The following CNTNAP3B variants were observed in gnomAD, a reference collection of about 807,000 sequenced individuals.
CNTNAP3B encodes contactin-associated protein-like 3B.
Under a neutral mutation model 108.9 loss-of-function variants are expected in CNTNAP3B, and 25 were observed. That is an observed-to-expected ratio of 0.23 (90% CI 0.17 to 0.32). The LOEUF (loss-of-function observed/expected upper bound fraction) is 0.32, where lower values mean the gene tolerates loss of function less well. Among genes scored for constraint, CNTNAP3B ranks in the 10% least tolerant of loss-of-function variants. CNTNAP3B has a pLI of 1.00. For missense variants in CNTNAP3B, 252 were observed against 1,210.4 expected (o/e 0.21, Z 11.75); for synonymous variants, 103 against 473.4 (o/e 0.22, Z 10.16).
chr9:42,058,066 A>G (rs1280116463), intron 3 of CNTNAP3B, among the ~76,000 whole-genome samples: 1 of 141,120 alleles, frequency 7.1e-6, no homozygotes, highest in African/African-American at 2.8e-5. Flanking sequence ...ATGGCCAAAT[A>G]GCATTCCATT....
chr9:41,953,791 CAT>C, intron 12 of CNTNAP3B, among the ~76,000 whole-genome samples: 1 of 152,214 alleles, frequency 6.6e-6, no homozygotes, highest in South Asian at 2.1e-4. Flanking sequence ...ATAAAAGATA[CAT>C]ATTGGGACGA....
chr9:41,994,162 CTT>C (rs1825854462), intron 7 of CNTNAP3B: 1 of 109,130 alleles, frequency 9.2e-6, no homozygotes, highest in African/African-American at 3.8e-5. Context: ...ATGACAGTGT[CTT>C]TGGAAATAGC....
At chr9:42,044,680 TA>T (rs1417091759) in intron 3 of CNTNAP3B, among the ~76,000 whole-genome samples, 1 of 147,662 alleles carries the variant, frequency 6.8e-6, no homozygotes, top group Non-Finnish European at 1.5e-5. Context: ...CACAGAGAAC[TA>T]GAAAAGACTA....
chr9:42,109,423 G>C (rs1159030124), intron 1 of CNTNAP3B, among the ~76,000 whole-genome samples: 1 of 145,226 alleles, frequency 6.9e-6, no homozygotes, highest in South Asian at 2.1e-4. Flanking sequence ...TCATTATTCT[G>C]GGATCTGATA....
intron 13 of CNTNAP3B, among the ~76,000 whole-genome samples, chr9:41,941,373 A>C (rs1824337336): frequency 7.1e-6 from 1 of 141,392 alleles, no homozygotes; most frequent in Non-Finnish European, 1.5e-5. Context: ...CACTCTGCAA[A>C]ACTTAAATTT....
At chr9:41,951,884 C>T (rs1236795539) in intron 13 of CNTNAP3B, among the ~76,000 whole-genome samples, 1 of 152,230 alleles carries the variant, frequency 6.6e-6, no homozygotes, top group East Asian at 1.9e-4. Context: ...CAAGAACAGC[C>T]TGACCAACAC....
chr9:41,967,467 T>C (rs2118246566), intron 10 of CNTNAP3B, among the ~76,000 whole-genome samples: 1 of 152,214 alleles, frequency 6.6e-6, no homozygotes, highest in East Asian at 1.9e-4. Flanking sequence ...AAGCCTTTTT[T>C]CTTTATAATT....
chr9:42,120,109 G>T (rs1296650094), intron 1 of CNTNAP3B, among the ~76,000 whole-genome samples: 1 of 150,552 alleles, frequency 6.6e-6, no homozygotes, highest in Non-Finnish European at 1.5e-5. Context: ...AATCTACAAT[G>T]AACTCAAACA....
intron 1 of CNTNAP3B, among the ~76,000 whole-genome samples, chr9:42,113,535 A>G (rs1297385092): frequency 7.2e-6 from 1 of 139,760 alleles, no homozygotes; most frequent in Non-Finnish European, 1.5e-5. Context: ...CGACACAGAA[A>G]AAAATACAAC....
chr9:42,064,077 T>C (rs1420854862), intron 3 of CNTNAP3B, among the ~76,000 whole-genome samples: 6 of 147,146 alleles, frequency 4.1e-5, no homozygotes, highest in Non-Finnish European at 8.9e-5. Context: ...TTTCTTCTGC[T>C]TCATTGATTC....
intron 17 of CNTNAP3B, among the ~76,000 whole-genome samples, chr9:41,920,611 A>G (rs1216358621): frequency 6.6e-6 from 1 of 152,298 alleles, no homozygotes; most frequent in African/African-American, 2.4e-5. Context: ...CAAAGAACAA[A>G]ATACATAATA....
At chr9:41,983,180 C>A (rs1311169606) in intron 9 of CNTNAP3B, 3 of 138,004 alleles carry the variant, frequency 2.2e-5, no homozygotes, top group African/African-American at 2.9e-5. Context: ...ACATGTATAC[C>A]TCTGAACCTA....
At chr9:41,914,202 AT>A (rs1823469630) in intron 18 of CNTNAP3B, among the ~76,000 whole-genome samples, 1 of 91,712 alleles carries the variant, frequency 1.1e-5, no homozygotes, top group African/African-American at 4.7e-5. Flanking sequence ...TTATTTATTT[AT>A]TTTTATAGTC....
At chr9:41,964,141 G>A (rs1269794611) in intron 11 of CNTNAP3B, among the ~76,000 whole-genome samples, 1 of 152,310 alleles carries the variant, frequency 6.6e-6, no homozygotes, top group Non-Finnish European at 1.5e-5. Context: ...AACATTGACA[G>A]CCTGGCAAGG....
rs1007786353 is a variant in CNTNAP3B, at chr9:41,990,876, C to G, written c.1333+734G>C. Among the ~76,000 whole-genome samples, 26 of 139,284 alleles carry G rather than the reference C, an allele frequency of 1.9e-4. 1 individual carries two copies. The highest frequency in any genetic ancestry group is 7.4e-4 in the African/African-American group (26 of 35,366). 91.4% of individuals were successfully genotyped at this position (139,284 alleles called of 152,430 possible). ...CATGGGATTTGAGCCCCTAACCTAG[C>G]ATTTGCCCAACAAAAACAGGCCCTG... On this transcript the variant is annotated intron_variant, in intron 8 of 23. Transcript: ENST00000377561.
At position 41,953,377 on chromosome 9, in the gene CNTNAP3B, G is replaced by A. The variant is rs530378867; in HGVS notation, c.1886C>T (p.Ala629Val). 5.6e-3 allele frequency: 8,623 copies of A among 1,547,612 alleles called. 1 individual carries two copies. The highest frequency in any genetic ancestry group is 6.6e-3 in the Non-Finnish European group (7,584 of 1,151,646). Residue 629 changes from alanine (A) to valine (V), a missense_variant, in exon 13 of 24, where the codon GCG (alanine) becomes GTG (valine). Ala to Val is a moderately conservative substitution (Grantham distance 64). Transcript: ENST00000377561. ...GCCACCGTGCCGCACCACCGTCCAC[G>A]CGGAGTCTGCTGAGCAGAAACGGGC... ...LVYCNMTADS[A>V]WTVVRHGGPD...
chr9:41,932,634 C>T (rs889427949), intron 14 of CNTNAP3B, among the ~76,000 whole-genome samples: 2 of 152,144 alleles, frequency 1.3e-5, no homozygotes, highest in East Asian at 1.9e-4. Context: ...ATTCTCCTGC[C>T]TCAGCCTCCA....
chr9:42,026,552 A>G lies in CNTNAP3B; in HGVS notation c.391-13027T>C, dbSNP rs1238291075. On this transcript the variant is annotated intron_variant, in intron 3 of 23. Transcript: ENST00000377561. ...CAGCGAGCCCAGATGGCTCCACGGC[A>G]CGGCACTCCAGCCCGGGCGACAGAG... Among the ~76,000 whole-genome samples the G allele has an allele frequency of 2.2e-4, 21 of 93,788 alleles. 2 individuals carry two copies. The highest frequency in any genetic ancestry group is 4.2e-4 in the Non-Finnish European group (19 of 44,840). The allele number at this position is 93,788 out of a possible 152,430, so 61.5% of individuals were successfully genotyped here.
At chr9:41,966,570 A>C (rs1216318279) in intron 10 of CNTNAP3B, among the ~76,000 whole-genome samples, 3 of 152,250 alleles carry the variant, frequency 2.0e-5, no homozygotes, top group African/African-American at 7.2e-5. Flanking sequence ...AGGGAGCCCC[A>C]GTTGGAACGC....
Sources: gnomAD v4.1 joint callset for allele counts (sites outside exome capture counted in the v4.1 genomes callset) on GRCh38, gnomAD v4.1.1 for gene constraint, MANE v1.5 for transcripts, NCBI Gene and HGNC (gene_info 2026-07-23, HGNC 2026-07-21) for gene names.